IQCM: variants seen among roughly 807,000 people sequenced by gnomAD.
IQCM encodes the protein IQ motif containing M.
A neutral mutation model predicts 57.6 loss-of-function variants in IQCM; 45 were observed. That is an observed-to-expected ratio of 0.78 (90% confidence interval 0.62 to 1.00). The LOEUF (loss-of-function observed/expected upper bound fraction) is 1.00, where lower values mean the gene tolerates loss of function less well. Ranked by LOEUF, IQCM falls within the 50% of genes least tolerant of loss-of-function variation. The pLI is 0.00. For missense variants in IQCM, 468 were observed against 511.6 expected (o/e 0.91, Z 0.82); for synonymous variants, 148 against 158.9 (o/e 0.93, Z 0.51).
chr4:149,588,842 G>A (rs1716597231), intron 8 of IQCM, among the ~76,000 whole-genome samples: 1 of 151,818 alleles, frequency 6.6e-6, no homozygotes, highest in South Asian at 2.1e-4. Context: ...TAAAACAGTA[G>A]TTCTAACATT....
intron 2 of IQCM, among the ~76,000 whole-genome samples, chr4:149,801,076 C>G (rs543921302): frequency 6.6e-6 from 1 of 151,622 alleles, no homozygotes; most frequent in Non-Finnish European, 1.5e-5. Context: ...AGTTTTTGGG[C>G]AAAATGAATA....
intron 7 of IQCM, among the ~76,000 whole-genome samples, chr4:149,657,142 G>A (rs931214939): frequency 2.6e-5 from 4 of 152,028 alleles, no homozygotes; most frequent in Non-Finnish European, 5.9e-5. Flanking sequence ...TGTACCAGTT[G>A]ACTAACTTCT....
chr4:149,790,203 G>A (rs115145188), intron 2 of IQCM: 9,124 of 362,364 alleles, frequency 0.025, 182 homozygotes, highest in South Asian at 0.036. Flanking sequence ...GAAGAATATT[G>A]AACACAAAAC....
chr4:149,598,164 C>T (rs1304635675), intron 8 of IQCM, among the ~76,000 whole-genome samples: 2 of 151,996 alleles, frequency 1.3e-5, no homozygotes, highest in African/African-American at 4.8e-5. Flanking sequence ...GAAAATTATC[C>T]AAGAGGTCTG....
intron 13 of IQCM, among the ~76,000 whole-genome samples, chr4:149,364,314 G>T (rs1208494733): frequency 6.6e-6 from 1 of 152,136 alleles, no homozygotes; most frequent in East Asian, 1.9e-4. Context: ...CTGTCTAGAT[G>T]ATGTTTCCGC....
chr4:149,783,984 C>A (rs1305060231), intron 2 of IQCM, among the ~76,000 whole-genome samples: 1 of 152,178 alleles, frequency 6.6e-6, no homozygotes, highest in Non-Finnish European at 1.5e-5. Context: ...TGCAGGCTGG[C>A]TAGTTCATTG....
At position 149,698,704 on chromosome 4, in the gene IQCM, T is replaced by C. The variant is rs188414276; in HGVS notation, c.386-12236A>G. On this transcript the variant is annotated intron_variant, in intron 5 of 13. Transcript: ENST00000636793. ...CAATTCAATGTCTTTATGCTAACCT[T>C]ATATATTTCAGGAATTTAAATATTA... is the stretch of plus-strand genomic sequence containing the variant. Among the ~76,000 whole-genome samples, 3 of 152,244 alleles carry C rather than the reference T, an allele frequency of 2.0e-5. No individual in the cohort carries two copies. The East Asian group carries it at 5.8e-4, about 29-fold the overall frequency.
chr4:149,634,511 T>A (rs546518186), intron 7 of IQCM, among the ~76,000 whole-genome samples: 56 of 152,354 alleles, frequency 3.7e-4, no homozygotes, highest in African/African-American at 1.1e-3. Flanking sequence ...TTAATTTGTA[T>A]TCCTATATAC....
intron 2 of IQCM, among the ~76,000 whole-genome samples, chr4:149,765,312 A>T (rs1769937616): frequency 6.6e-6 from 1 of 152,084 alleles, no homozygotes; most frequent in South Asian, 2.1e-4. Flanking sequence ...GCCAAGATAA[A>T]AATATGTGTG....
chr4:149,695,530 C>G (rs1763270879), intron 5 of IQCM, among the ~76,000 whole-genome samples: 1 of 152,038 alleles, frequency 6.6e-6, no homozygotes, highest in African/African-American at 2.4e-5. Flanking sequence ...ATGCAGACTC[C>G]CTTTTCAAGA....
At chr4:149,375,382 C>T (rs943775140) in intron 13 of IQCM, among the ~76,000 whole-genome samples, 1 of 152,116 alleles carries the variant, frequency 6.6e-6, no homozygotes, top group African/African-American at 2.4e-5. Flanking sequence ...AGATCAAGAA[C>T]TATGTCTAAG....
chr4:149,510,961 A>T (rs1744345235), intron 12 of IQCM, among the ~76,000 whole-genome samples: 1 of 152,170 alleles, frequency 6.6e-6, no homozygotes, highest in Admixed American at 6.6e-5. Flanking sequence ...CACTAAAGGC[A>T]TACTTTTTTT....
intron 13 of IQCM, among the ~76,000 whole-genome samples, chr4:149,375,739 T>C (rs1011630763): frequency 6.6e-6 from 1 of 152,210 alleles, no homozygotes; most frequent in African/African-American, 2.4e-5. Flanking sequence ...TCCCGGTTTA[T>C]GTTTCTTCAA....
intron 5 of IQCM, among the ~76,000 whole-genome samples, chr4:149,712,615 A>G (rs570864712): frequency 1.3e-5 from 2 of 152,292 alleles, no homozygotes; most frequent in South Asian, 2.1e-4. Flanking sequence ...TACAAACAAG[A>G]CTGGTAAGGT....
intron 10 of IQCM, among the ~76,000 whole-genome samples, chr4:149,554,090 A>AT (rs1205026352): frequency 6.6e-6 from 1 of 152,000 alleles, no homozygotes; most frequent in East Asian, 1.9e-4. Flanking sequence ...TAAAGGCTTA[A>AT]TTTTTTAAAT....
At position 149,759,578 on chromosome 4, in the gene IQCM, A is replaced by T. The variant is rs1580223069; in HGVS notation, c.-48-16839T>A. Among the ~76,000 whole-genome samples, 4 of 152,312 alleles carry T rather than the reference A, an allele frequency of 2.6e-5. No homozygotes were observed. In the East Asian group the frequency reaches 5.8e-4, roughly 22 times the overall value. On this transcript the variant is annotated intron_variant, in intron 2 of 13. Coordinates refer to ENST00000636793, the MANE Select transcript of IQCM (RefSeq NM_001363507.2). The stretch of plus-strand genomic sequence containing the variant: ...TACAAATAAAATCCAGCACAAGTGA[A>T]TTTAGGCAATATATAGGAAATCTCT...
chr4:149,373,356 A>G (rs1730492391), intron 13 of IQCM, among the ~76,000 whole-genome samples: 1 of 152,084 alleles, frequency 6.6e-6, no homozygotes, highest in African/African-American at 2.4e-5. Context: ...GTCTGAATCC[A>G]ACAGCAACAA....
At chr4:149,726,927 G>T (rs575819219) in intron 5 of IQCM, among the ~76,000 whole-genome samples, 262 of 151,992 alleles carry the variant, frequency 1.7e-3, no homozygotes, top group African/African-American at 5.2e-3. Flanking sequence ...GCTAATTTTT[G>T]TATTTTTCAG....
In IQCM at chr4:149,497,632, A is replaced by C. The variant is rs555192995; in HGVS notation, c.1228+50823T>G. On this transcript the variant is annotated intron_variant, in intron 12 of 13. Coordinates refer to ENST00000636793, the MANE Select transcript of IQCM (RefSeq NM_001363507.2). ...AGTTACCTCCCACTGGGTCCCTCCC[A>C]CAACACATGGGAATTCAAGATAAGA... is the stretch of plus-strand genomic sequence containing the variant. Among the ~76,000 whole-genome samples the C allele has an allele frequency of 4.8e-4, 73 of 152,092 alleles. 1 individual carries two copies. In the South Asian group the frequency reaches 0.015, roughly 32 times the overall value.
Sources: allele counts gnomAD v4.1 joint callset (sites outside exome capture counted in the v4.1 genomes callset), GRCh38; gene constraint gnomAD v4.1.1; transcripts MANE v1.5; gene names NCBI Gene and HGNC (gene_info 2026-07-23, HGNC 2026-07-21).